CNTN5: variants seen among roughly 807,000 people sequenced by gnomAD.
CNTN5 encodes contactin 5.
In CNTN5, 77 loss-of-function variants were observed where a neutral mutation model predicts 129.1. The observed-to-expected ratio is 0.60, with a 90% CI of 0.50 to 0.72. The LOEUF is 0.72. Ranked by LOEUF, CNTN5 falls within the 30% of genes least tolerant of loss-of-function variation. The probability of loss-of-function intolerance (pLI) is 0.00; values close to 1 mark genes in which losing one functional copy is unlikely to be tolerated. For synonymous variants in CNTN5, 509 were observed against 465.6 expected, an observed-to-expected ratio of 1.09 and a Z score of -1.20; for missense variants, 1,478 against 1,328.8, an observed-to-expected ratio of 1.11 and a Z score of -1.75.
rs185747299 is a variant in CNTN5 at position 99,797,834 on chromosome 11, C to T, written c.56-21710C>T. ...GGAATAGGATTTTTTAAAGTTAAAA[C>T]GAATGACTTTTATTATAATTTATTA... On this transcript the variant is annotated intron_variant, in intron 3 of 24. Transcript: ENST00000524871. Among the ~76,000 whole-genome samples the T allele has an allele frequency of 5.7e-3, 862 of 151,984 alleles. 18 individuals carry two copies. Among genetic ancestry groups the T allele is most frequent in the African/African-American group, 0.019 (803 of 41,434 alleles).
rs553810630 is a variant in CNTN5, at chr11:99,783,827, G to C, written c.56-35717G>C. Among the ~76,000 whole-genome samples, 32 of 151,780 alleles carry C rather than the reference G, an allele frequency of 2.1e-4. No individual in the cohort carries two copies. The South Asian group carries it at 6.7e-3, about 32-fold the overall frequency. ...ACACTCTGGGGACTGTTGTGGGGTG[G>C]GTGGAGTGGGGAGGGATTGCATTGG... is the stretch of plus-strand genomic sequence containing the variant. On this transcript the variant is annotated intron_variant, in intron 3 of 24. Coordinates refer to ENST00000524871, the MANE Select transcript of CNTN5 (RefSeq NM_014361.4).
intron 8 of CNTN5, among the ~76,000 whole-genome samples, chr11:99,995,928 C>T (rs1035339): frequency 0.37 from 55,781 of 152,018 alleles, 11,444 homozygotes; most frequent in African/African-American, 0.55. Context: ...TGTAGGTGTT[C>T]TCCCCTGTCT....
chr11:99,753,119 C>CTGTTT lies in CNTN5; in HGVS notation c.56-66424_56-66423insGTTTT, dbSNP rs528319697. Among the ~76,000 whole-genome samples, 1,126 of 93,010 alleles carry CTGTTT rather than the reference C, an allele frequency of 0.012. 33 individuals are homozygous for CTGTTT. The East Asian group carries it at 0.13, about 10-fold the overall frequency. 61.0% of individuals were successfully genotyped at this position (93,010 alleles called of 152,430 possible). On this transcript the variant is annotated intron_variant, in intron 3 of 24. Transcript: ENST00000524871. ...TTTATAACATTTTAAGCCATATTTG[C>CTGTTT]TTTTTTTTTTTTTTTTTTTTTGAGA...
chr11:99,709,637 A>G (rs1394535071), intron 3 of CNTN5, among the ~76,000 whole-genome samples: 1 of 151,914 alleles, frequency 6.6e-6, no homozygotes, highest in Non-Finnish European at 1.5e-5. Flanking sequence ...AATTCCATCA[A>G]ACTAGAACAA....
At chr11:100,276,483 T>C (rs1348520159) in intron 18 of CNTN5, among the ~76,000 whole-genome samples, 1 of 130,910 alleles carries the variant, frequency 7.6e-6, no homozygotes, top group Non-Finnish European at 1.5e-5. Context: ...TGAGCAGACA[T>C]TGCACCACTG....
intron 1 of CNTN5, among the ~76,000 whole-genome samples, chr11:99,243,060 C>T (rs1382994294): frequency 3.3e-5 from 5 of 152,244 alleles, no homozygotes; most frequent in African/African-American, 1.2e-4. Context: ...AATCTCCAAA[C>T]TGCTTTCCAT....
intron 1 of CNTN5, among the ~76,000 whole-genome samples, chr11:99,263,759 C>A (rs1414104000): frequency 6.6e-6 from 1 of 151,854 alleles, no homozygotes; most frequent in African/African-American, 2.4e-5. Flanking sequence ...TGGGACAACA[C>A]AACAGGTGTG....
chr11:100,084,116 T>C (rs112185940), intron 13 of CNTN5, among the ~76,000 whole-genome samples: 2 of 152,286 alleles, frequency 1.3e-5, no homozygotes, highest in African/African-American at 4.8e-5. Context: ...CTTCTAACCA[T>C]GGTTCATTTA....
intron 3 of CNTN5, among the ~76,000 whole-genome samples, chr11:99,793,214 C>G (rs1196003492): frequency 6.6e-6 from 1 of 152,080 alleles, no homozygotes; most frequent in Non-Finnish European, 1.5e-5. Flanking sequence ...CACCTGCCAC[C>G]ACGCCCAACT....
chr11:99,428,868 T>A (rs894262231), intron 2 of CNTN5, among the ~76,000 whole-genome samples: 4 of 152,120 alleles, frequency 2.6e-5, no homozygotes, highest in Non-Finnish European at 5.9e-5. Context: ...AAACAAGAAC[T>A]TTAAGGTTCA....
At chr11:99,220,659 T>G (rs537595616) in intron 1 of CNTN5, among the ~76,000 whole-genome samples, 26 of 152,112 alleles carry the variant, frequency 1.7e-4, no homozygotes, top group Admixed American at 1.2e-3. Context: ...AGAGCACACT[T>G]AAGTTCAAAA....
At chr11:99,543,944 AAAG>A in intron 2 of CNTN5, among the ~76,000 whole-genome samples, 1 of 148,978 alleles carries the variant, frequency 6.7e-6, no homozygotes, top group Non-Finnish European at 1.5e-5. Flanking sequence ...AAAAAAAAAA[AAAG>A]GAAATAAAGT....
chr11:100,207,754 C>T (rs1765387621), intron 15 of CNTN5, among the ~76,000 whole-genome samples: 1 of 152,144 alleles, frequency 6.6e-6, no homozygotes, highest in Admixed American at 6.5e-5. Context: ...ACATGCTTTG[C>T]TCACTGAGCT....
intron 1 of CNTN5, among the ~76,000 whole-genome samples, chr11:99,064,262 G>A (rs1295102635): frequency 2.0e-5 from 3 of 152,014 alleles, no homozygotes; most frequent in African/African-American, 4.8e-5. Flanking sequence ...TGTCTCTTTA[G>A]GGGCACTTAA....
chr11:99,718,900 T>C (rs1025343428), intron 3 of CNTN5, among the ~76,000 whole-genome samples: 5 of 152,164 alleles, frequency 3.3e-5, no homozygotes, highest in African/African-American at 1.2e-4. Context: ...GTACTTTCAA[T>C]GTATTTATTA....
chr11:99,443,798 A>C (rs1213984586), intron 2 of CNTN5, among the ~76,000 whole-genome samples: 2 of 152,198 alleles, frequency 1.3e-5, no homozygotes, highest in East Asian at 3.9e-4. Context: ...TAATTTTACC[A>C]GTCTGAAACA....
At chr11:99,746,459 C>T (rs957173710) in intron 3 of CNTN5, among the ~76,000 whole-genome samples, 5 of 152,150 alleles carry the variant, frequency 3.3e-5, no homozygotes, top group African/African-American at 1.2e-4. Context: ...AGTCACAGAC[C>T]ACTACTGGTC....
chr11:100,060,381 A>G (rs1233745484), intron 9 of CNTN5, among the ~76,000 whole-genome samples: 2 of 152,092 alleles, frequency 1.3e-5, no homozygotes, highest in African/African-American at 4.8e-5. Context: ...TAGCAAATAT[A>G]CAAAATTTAT....
chr11:100,166,306 A>C (rs1331512727), intron 13 of CNTN5, among the ~76,000 whole-genome samples: 1 of 151,908 alleles, frequency 6.6e-6, no homozygotes, highest in Non-Finnish European at 1.5e-5. Context: ...CAAATTTTAC[A>C]ATAATAGTTT....
Sources: gnomAD v4.1 joint callset for allele counts (sites outside exome capture counted in the v4.1 genomes callset) on GRCh38, gnomAD v4.1.1 for gene constraint, MANE v1.5 for transcripts, NCBI Gene and HGNC (gene_info 2026-07-23, HGNC 2026-07-21) for gene names.